Variants in CHST8 observed in about 807,000 individuals in gnomAD.
CHST8 encodes carbohydrate sulfotransferase 8, also known as GALNAC-4-ST1.
CHST8 carries 10 observed loss-of-function variants against 15.0 expected under a neutral mutation model. The ratio of observed to expected loss-of-function variants is 0.67; its 90% CI spans 0.41 to 1.13. The LOEUF (loss-of-function observed/expected upper bound fraction) is 1.13, where lower values mean the gene tolerates loss of function less well. Ranked by LOEUF, CHST8 falls within the 50% of genes most tolerant of loss-of-function variation. CHST8 has a pLI of 0.00. For missense variants in CHST8, 634 were observed against 608.2 expected (o/e 1.04, Z -0.45); for synonymous variants, 259 against 256.6 (o/e 1.01, Z -0.09).
chr19:33,633,647 C>G (rs1972153341), intron 1 of CHST8, among the ~76,000 whole-genome samples: 1 of 152,078 alleles, frequency 6.6e-6, no homozygotes, highest in African/African-American at 2.4e-5. Context: ...ATCCTCCTGC[C>G]TTGGCCTCCC....
At chr19:33,622,787 C>T (rs1972002139) in intron 1 of CHST8, among the ~76,000 whole-genome samples, 1 of 152,188 alleles carries the variant, frequency 6.6e-6, no homozygotes, top group Non-Finnish European at 1.5e-5. Flanking sequence ...TGGCTTCCTA[C>T]CCAGCGGCTC....
chr19:33,722,735 A>T (rs1455566727), intron 3 of CHST8, among the ~76,000 whole-genome samples: 3 of 152,042 alleles, frequency 2.0e-5, no homozygotes, highest in Non-Finnish European at 4.4e-5. Context: ...AACTCCCATC[A>T]CGGGCCTTGG....
chr19:33,696,089 G>C (rs781377484), intron 3 of CHST8, among the ~76,000 whole-genome samples: 4 of 151,962 alleles, frequency 2.6e-5, no homozygotes, highest in Non-Finnish European at 5.9e-5. Context: ...GCCTCCCAAA[G>C]TGCTGGGATT....
chr19:33,662,261 A>G (rs1402613217), intron 1 of CHST8, among the ~76,000 whole-genome samples: 1 of 152,040 alleles, frequency 6.6e-6, no homozygotes, highest in African/African-American at 2.4e-5. Context: ...TATTTTTAGT[A>G]GACATGGTGT....
intron 3 of CHST8, among the ~76,000 whole-genome samples, chr19:33,749,442 C>G (rs547783789): frequency 5.0e-5 from 7 of 140,120 alleles, no homozygotes; most frequent in African/African-American, 1.8e-4. Flanking sequence ...ATCATCCCCC[C>G]ATCTCCCCAC....
chr19:33,733,160 C>G (rs1373062257), intron 3 of CHST8, among the ~76,000 whole-genome samples: 1 of 151,992 alleles, frequency 6.6e-6, no homozygotes, highest in Non-Finnish European at 1.5e-5. Context: ...CAAGACATGC[C>G]TATCACTGTG....
intron 1 of CHST8, among the ~76,000 whole-genome samples, chr19:33,623,637 G>T (rs995085349): frequency 6.6e-6 from 1 of 152,124 alleles, no homozygotes; most frequent in African/African-American, 2.4e-5. Context: ...GCCTACCTGT[G>T]GGGAAGTCTT....
At chr19:33,673,580 C>T (rs560475712) in intron 2 of CHST8, among the ~76,000 whole-genome samples, 18 of 152,018 alleles carry the variant, frequency 1.2e-4, no homozygotes, top group Non-Finnish European at 2.1e-4. Flanking sequence ...GCCACCAGGC[C>T]GGAGGACGTC....
chr19:33,658,137 C>G (rs1431600526), intron 1 of CHST8, among the ~76,000 whole-genome samples: 1 of 152,112 alleles, frequency 6.6e-6, no homozygotes, highest in Non-Finnish European at 1.5e-5. Context: ...GTCAGGAGTT[C>G]GAGACCAGCC....
At chr19:33,750,899 C>T (rs1599619351) in intron 3 of CHST8, among the ~76,000 whole-genome samples, 2 of 151,834 alleles carry the variant, frequency 1.3e-5, no homozygotes, top group Non-Finnish European at 2.9e-5. Flanking sequence ...CAGATGCACC[C>T]CCACCCCCAC....
intron 1 of CHST8, among the ~76,000 whole-genome samples, chr19:33,666,057 G>A (rs1353545900): frequency 6.6e-6 from 1 of 152,242 alleles, no homozygotes; most frequent in African/African-American, 2.4e-5. Context: ...GTCTGTGCAG[G>A]TGCCTTGGGG....
intron 3 of CHST8, among the ~76,000 whole-genome samples, chr19:33,749,791 G>A (rs543360505): frequency 6.6e-6 from 1 of 152,316 alleles, no homozygotes; most frequent in Non-Finnish European, 1.5e-5. Flanking sequence ...TCCAAAGGGA[G>A]GAAGGACATG....
chr19:33,741,568 G>A (rs75463714), intron 3 of CHST8, among the ~76,000 whole-genome samples: 2,648 of 152,214 alleles, frequency 0.017, 70 homozygotes, highest in African/African-American at 0.06. Context: ...TGCAACTGGG[G>A]CTATATCTTG....
rs964486759 is a variant in CHST8, at chr19:33,643,789, T to A, written c.-164+21493T>A. ...CTTGTGTGATATCACATTTTTATTA[T>A]TTTGGATGTAGGGCGTCACATTTCA... On this transcript the variant is annotated intron_variant, in intron 1 of 4. Coordinates refer to ENST00000650847, the MANE Select transcript of CHST8 (RefSeq NM_001127895.2). 2.0e-5 allele frequency among the ~76,000 whole-genome samples: 3 copies of A among 152,216 alleles called. No individual in the cohort carries two copies. In the South Asian group the frequency reaches 6.2e-4, roughly 31 times the overall value.
intron 1 of CHST8, among the ~76,000 whole-genome samples, chr19:33,629,449 C>G (rs1022538826): frequency 6.6e-6 from 1 of 152,272 alleles, no homozygotes; most frequent in African/African-American, 2.4e-5. Context: ...CTGGGAGGGG[C>G]TCTGCCCAAG....
At chr19:33,767,116 G>A (rs537382701) in intron 3 of CHST8, among the ~76,000 whole-genome samples, 5 of 151,612 alleles carry the variant, frequency 3.3e-5, no homozygotes, top group African/African-American at 1.2e-4. Context: ...TGGGACATGA[G>A]CAGCCAATGC....
intron 2 of CHST8, among the ~76,000 whole-genome samples, chr19:33,677,159 AG>A (rs11331472): frequency 0.32 from 47,618 of 151,146 alleles, 8,973 homozygotes; most frequent in African/African-American, 0.51. Context: ...ATCAGCCGGC[AG>A]GGGGGGGCAC....
intron 2 of CHST8, among the ~76,000 whole-genome samples, chr19:33,674,080 C>T (rs1327524690): frequency 6.6e-6 from 1 of 152,162 alleles, no homozygotes; most frequent in Non-Finnish European, 1.5e-5. Flanking sequence ...GTCAGTAGGT[C>T]CCAGCTGTGC....
intron 2 of CHST8, among the ~76,000 whole-genome samples, chr19:33,688,404 AG>A (rs1051982257): frequency 2.0e-5 from 3 of 152,122 alleles, no homozygotes; most frequent in Non-Finnish European, 4.4e-5. Flanking sequence ...CAGGAACACG[AG>A]GGGGTGTTAG....
Sources: gnomAD v4.1 joint callset for allele counts (sites outside exome capture counted in the v4.1 genomes callset) on GRCh38, gnomAD v4.1.1 for gene constraint, MANE v1.5 for transcripts, NCBI Gene and HGNC (gene_info 2026-07-23, HGNC 2026-07-21) for gene names.